ANKS1B: variants seen among roughly 807,000 people sequenced by gnomAD.
The protein encoded by ANKS1B is ankyrin repeat and sterile alpha motif domain-containing protein 1B.
ANKS1B carries 36 observed loss-of-function variants against 148.3 expected under a neutral mutation model. That is an observed-to-expected ratio of 0.24 (90% confidence interval 0.19 to 0.32). ANKS1B has a LOEUF of 0.32. Among genes scored for constraint, ANKS1B ranks in the 10% least tolerant of loss-of-function variants. ANKS1B has a pLI of 1.00. For missense variants in ANKS1B, 1,157 were observed against 1,542.6 expected (o/e 0.75, Z 4.19); for synonymous variants, 542 against 560.8 (o/e 0.97, Z 0.47).
At chr12:99,236,337 GA>G (rs2087921464) in intron 14 of ANKS1B, among the ~76,000 whole-genome samples, 1 of 152,194 alleles carries the variant, frequency 6.6e-6, no homozygotes, top group East Asian at 1.9e-4. Flanking sequence ...TATTTATAAA[GA>G]AAAGAGGTTT....
chr12:99,684,368 CAAAAAAAAA>C (rs572669891), intron 8 of ANKS1B, among the ~76,000 whole-genome samples: 1 of 82,554 alleles, frequency 1.2e-5, no homozygotes, highest in Non-Finnish European at 2.7e-5. Flanking sequence ...ACAACAGCTG[CAAAAAAAAA>C]AAAAAAAAGG....
At chr12:99,803,082 T>C (rs2067154525) in intron 4 of ANKS1B, among the ~76,000 whole-genome samples, 1 of 152,126 alleles carries the variant, frequency 6.6e-6, no homozygotes, top group African/African-American at 2.4e-5. Context: ...CTTTTAATAC[T>C]AATTCCCAAC....
At chr12:98,980,361 C>A (rs538716769) in intron 17 of ANKS1B, among the ~76,000 whole-genome samples, 17 of 152,136 alleles carry the variant, frequency 1.1e-4, no homozygotes, top group African/African-American at 4.1e-4. Flanking sequence ...CCACCACGCC[C>A]AGCTAATTTT....
chr12:98,917,891 G>A (rs1250868221), intron 17 of ANKS1B, among the ~76,000 whole-genome samples: 1 of 152,194 alleles, frequency 6.6e-6, no homozygotes, highest in East Asian at 1.9e-4. Context: ...TGAGAACTCA[G>A]TCTTTATACA....
rs78564814 is a variant in ANKS1B, at chr12:99,118,494, C to T, written c.2527-33471G>A. Among the ~76,000 whole-genome samples, 314 of 152,188 alleles carry T rather than the reference C, an allele frequency of 2.1e-3. 3 individuals are homozygous for T. The highest frequency in any genetic ancestry group is 3.5e-3 in the Non-Finnish European group (236 of 68,006). On this transcript the variant is annotated intron_variant, in intron 15 of 26. Transcript: ENST00000683438. ...TTCCTGAAAGAGTGACTGTACAGCG[C>T]CTGGTGTTCTAAATCCAGTCGCTAA...
At chr12:99,056,209 A>G (rs1027535515) in intron 16 of ANKS1B, among the ~76,000 whole-genome samples, 1 of 152,342 alleles carries the variant, frequency 6.6e-6, no homozygotes, top group East Asian at 1.9e-4. Context: ...CATGGAGATT[A>G]TAACTCTTAA....
chr12:98,767,459 G>A (rs531727215), intron 25 of ANKS1B, among the ~76,000 whole-genome samples: 1 of 151,546 alleles, frequency 6.6e-6, no homozygotes, highest in East Asian at 2.0e-4. Context: ...CATTCTCTAC[G>A]CACTCCTGAG....
intron 9 of ANKS1B, among the ~76,000 whole-genome samples, chr12:99,638,077 T>C (rs1025808852): frequency 3.9e-5 from 6 of 152,068 alleles, no homozygotes; most frequent in African/African-American, 1.4e-4. Context: ...TTCTTTCTCC[T>C]GCTGCCATGT....
chr12:99,383,030 A>AC (rs2093707834), intron 12 of ANKS1B, among the ~76,000 whole-genome samples: 1 of 152,010 alleles, frequency 6.6e-6, no homozygotes, highest in Non-Finnish European at 1.5e-5. Flanking sequence ...TTAGACATCT[A>AC]CCCTCTGTCC....
At chr12:99,244,117 G>T (rs2089881297) in intron 14 of ANKS1B, among the ~76,000 whole-genome samples, 1 of 151,496 alleles carries the variant, frequency 6.6e-6, no homozygotes, top group African/African-American at 2.4e-5. Context: ...AACTTCACTG[G>T]CATAGTAAAA....
At chr12:98,742,819 G>A (rs975778495), downstream of ANKS1B, among the ~76,000 whole-genome samples, 1 of 152,358 alleles carries the variant, frequency 6.6e-6, no homozygotes, top group Non-Finnish European at 1.5e-5. Context: ...GGCAGTAAAT[G>A]TGGGGCTGGC....
chr12:98,748,049 G>T (rs996464979), intron 26 of ANKS1B, among the ~76,000 whole-genome samples: 3 of 152,150 alleles, frequency 2.0e-5, no homozygotes, highest in Non-Finnish European at 4.4e-5. Flanking sequence ...ACAGTAGGGT[G>T]ACTGTAGTTA....
At chr12:99,666,938 A>T (rs1177264250) in intron 8 of ANKS1B, among the ~76,000 whole-genome samples, 1 of 151,780 alleles carries the variant, frequency 6.6e-6, no homozygotes, top group Admixed American at 6.6e-5. Context: ...AATTTCAAGT[A>T]TACAATGTGA....
chr12:99,864,917 T>C (rs1206979988), intron 1 of ANKS1B, among the ~76,000 whole-genome samples: 3 of 152,208 alleles, frequency 2.0e-5, no homozygotes, highest in East Asian at 1.9e-4. Context: ...CAATTGCAGC[T>C]TTCCTCTACT....
intron 12 of ANKS1B, among the ~76,000 whole-genome samples, chr12:99,384,472 A>G (rs1470345126): frequency 1.3e-5 from 2 of 152,184 alleles, no homozygotes; most frequent in Non-Finnish European, 2.9e-5. Context: ...TATTATCTTG[A>G]AAAATAGAAG....
At chr12:99,389,057 G>A (rs2093971282) in intron 12 of ANKS1B, among the ~76,000 whole-genome samples, 1 of 152,140 alleles carries the variant, frequency 6.6e-6, no homozygotes, top group Admixed American at 6.5e-5. Context: ...CTCACACAAA[G>A]GCCTGGAGAC....
At chr12:99,721,723 C>T (rs553567228) in intron 8 of ANKS1B, among the ~76,000 whole-genome samples, 1 of 152,350 alleles carries the variant, frequency 6.6e-6, no homozygotes, top group African/African-American at 2.4e-5. Flanking sequence ...GGTCTCTTCA[C>T]ACTGATGCGC....
intron 14 of ANKS1B, among the ~76,000 whole-genome samples, chr12:99,167,241 TAAAC>T (rs1044200440): frequency 6.6e-6 from 1 of 151,896 alleles, no homozygotes; most frequent in Non-Finnish European, 1.5e-5. Flanking sequence ...AAAAAAATGA[TAAAC>T]AACTAAAATT....
intron 14 of ANKS1B, among the ~76,000 whole-genome samples, chr12:99,226,961 ACAT>A (rs945394817): frequency 6.6e-5 from 10 of 152,236 alleles, no homozygotes; most frequent in African/African-American, 1.9e-4. Flanking sequence ...AGCTAAGCAG[ACAT>A]CATGATGGGG....
Sources: allele counts gnomAD v4.1 joint callset (sites outside exome capture counted in the v4.1 genomes callset), GRCh38; gene constraint gnomAD v4.1.1; transcripts MANE v1.5; gene names NCBI Gene and HGNC (gene_info 2026-07-23, HGNC 2026-07-21).